Variants in LRMDA observed in about 807,000 individuals in gnomAD.
The protein encoded by LRMDA is leucine rich melanocyte differentiation associated.
Under a neutral mutation model 29.8 loss-of-function variants are expected in LRMDA, and 18 were observed. That is an observed-to-expected ratio of 0.60 (90% confidence interval 0.42 to 0.90). The LOEUF (loss-of-function observed/expected upper bound fraction) is 0.90, where lower values mean the gene tolerates loss of function less well. LRMDA is among the 40% of genes least tolerant of loss of function. The pLI, the probability that LRMDA is intolerant of heterozygous loss-of-function variation, is 0.00. For missense variants in LRMDA, 273 were observed against 273.9 expected, an observed-to-expected ratio of 1.00 and a Z score of 0.02; for synonymous variants, 125 against 109.4, an observed-to-expected ratio of 1.14 and a Z score of -0.89.
chr10:76,334,320 C>T (rs962717233), intron 6 of LRMDA, among the ~76,000 whole-genome samples: 11 of 152,196 alleles, frequency 7.2e-5, no homozygotes, highest in Admixed American at 2.0e-4. Flanking sequence ...GAAAACTTTA[C>T]CCCTGCCCCA....
chr10:75,620,145 G>A (rs1293603410), intron 2 of LRMDA, among the ~76,000 whole-genome samples: 2 of 152,158 alleles, frequency 1.3e-5, no homozygotes. Context: ...AGGACAGTTG[G>A]AACATTCACA....
At chr10:75,522,616 G>T (rs552339023) in intron 2 of LRMDA, among the ~76,000 whole-genome samples, 1 of 152,212 alleles carries the variant, frequency 6.6e-6, no homozygotes. Context: ...TCACCCATCC[G>T]TGAGTGGTAG....
intron 2 of LRMDA, among the ~76,000 whole-genome samples, chr10:75,645,818 C>T (rs1278301286): frequency 6.6e-6 from 1 of 152,144 alleles, no homozygotes; most frequent in Admixed American, 6.5e-5. Flanking sequence ...CTCCACTTGC[C>T]TTTCTTGCCA....
Position 75,690,047 on chromosome 10 carries a change from C to T in LRMDA, c.131+251553C>T, listed in dbSNP as rs570447837. Among the ~76,000 whole-genome samples the T allele has an allele frequency of 4.6e-5, 7 of 152,232 alleles. 1 individual carries two copies. The South Asian group carries it at 6.2e-4, about 14-fold the overall frequency. On this transcript the variant is annotated intron_variant, in intron 2 of 6. Coordinates refer to ENST00000611255, the MANE Select transcript of LRMDA (RefSeq NM_001305581.2). ...ATTTACATAACTGGATCAGTGGTGT[C>T]CTGTCACAAAACAATACTTAATATT...
At chr10:76,112,418 C>A (rs1849595571) in intron 5 of LRMDA, among the ~76,000 whole-genome samples, 1 of 152,232 alleles carries the variant, frequency 6.6e-6, no homozygotes, top group African/African-American at 2.4e-5. Flanking sequence ...CCCTCGTCAC[C>A]CTTCACTCAG....
intron 2 of LRMDA, among the ~76,000 whole-genome samples, chr10:75,619,871 C>T (rs949248609): frequency 1.3e-5 from 2 of 152,302 alleles, no homozygotes; most frequent in Admixed American, 1.3e-4. Context: ...GTCTTAGTGT[C>T]CTCATCTGTA....
chr10:76,398,084 C>G (rs572569395), intron 6 of LRMDA, among the ~76,000 whole-genome samples: 1 of 152,152 alleles, frequency 6.6e-6, no homozygotes, highest in African/African-American at 2.4e-5. Flanking sequence ...GTGCCAGAAC[C>G]GAGCAGGTCT....
intron 2 of LRMDA, among the ~76,000 whole-genome samples, chr10:75,540,189 A>G (rs1839999745): frequency 6.6e-6 from 1 of 152,192 alleles, no homozygotes; most frequent in African/African-American, 2.4e-5. Context: ...TAGAGATGTC[A>G]GGGAGGGCTG....
intron 6 of LRMDA, among the ~76,000 whole-genome samples, chr10:76,494,166 C>CT (rs1417206268): frequency 6.6e-6 from 1 of 151,824 alleles, no homozygotes; most frequent in African/African-American, 2.4e-5. Context: ...TGTTATTGCA[C>CT]TTGTTTCTGT....
intron 2 of LRMDA, among the ~76,000 whole-genome samples, chr10:75,447,199 T>TAA (rs1041553642): frequency 6.6e-6 from 1 of 151,682 alleles, no homozygotes; most frequent in Admixed American, 6.6e-5. Context: ...AGCAATGCAG[T>TAA]AAAAAAAAAT....
At chr10:75,750,462 C>T (rs1044084264) in intron 2 of LRMDA, among the ~76,000 whole-genome samples, 3 of 145,422 alleles carry the variant, frequency 2.1e-5, no homozygotes, top group African/African-American at 7.8e-5. Context: ...GGCAGAGGCG[C>T]TCCTCACATC....
chr10:75,689,775 A>G (rs1369773791), intron 2 of LRMDA, among the ~76,000 whole-genome samples: 2 of 152,210 alleles, frequency 1.3e-5, no homozygotes, highest in South Asian at 2.1e-4. Context: ...TTTCCAGTCT[A>G]TCATTTTCAT....
At chr10:75,877,430 T>G (rs1845216629) in intron 2 of LRMDA, among the ~76,000 whole-genome samples, 1 of 152,222 alleles carries the variant, frequency 6.6e-6, no homozygotes. Context: ...ACCCTTTTAG[T>G]TAAGGCTCTG....
intron 2 of LRMDA, chr10:75,642,462 A>G (rs966910465): frequency 6.6e-6 from 1 of 152,196 alleles, no homozygotes; most frequent in South Asian, 2.1e-4. Context: ...TTGGGAACAA[A>G]TCATCGGGCC....
intron 5 of LRMDA, among the ~76,000 whole-genome samples, chr10:76,273,324 G>T (rs1840090643): frequency 6.6e-6 from 1 of 151,832 alleles, no homozygotes; most frequent in South Asian, 2.1e-4. Context: ...AAATATTTAG[G>T]GTATTTACAC....
At chr10:76,176,961 A>C (rs986927261) in intron 5 of LRMDA, among the ~76,000 whole-genome samples, 1 of 152,182 alleles carries the variant, frequency 6.6e-6, no homozygotes, top group African/African-American at 2.4e-5. Context: ...GACCTCCAAA[A>C]GTCTAGTTTA....
Position 75,761,570 on chromosome 10 carries a change from G to C in LRMDA, c.132-274438G>C, listed in dbSNP as rs192200242. Among the ~76,000 whole-genome samples the C allele has an allele frequency of 5.3e-5, 8 of 152,308 alleles. No homozygotes were observed. In the East Asian group the frequency reaches 1.5e-3, roughly 29 times the overall value. On this transcript the variant is annotated intron_variant, in intron 2 of 6. Coordinates refer to ENST00000611255, the MANE Select transcript of LRMDA (RefSeq NM_001305581.2). ...GGACTTACTGTTTAATGGATACAGA[G>C]TTTCTGTTTGGGATGATGAAAAAGT...
chr10:76,086,091 T>G (rs1361526217), intron 5 of LRMDA, among the ~76,000 whole-genome samples: 1 of 152,240 alleles, frequency 6.6e-6, no homozygotes, highest in Non-Finnish European at 1.5e-5. Flanking sequence ...TGGGGACCAG[T>G]GAACACATAT....
At chr10:75,793,557 A>G (rs180834149) in intron 2 of LRMDA, among the ~76,000 whole-genome samples, 6 of 152,334 alleles carry the variant, frequency 3.9e-5, no homozygotes, top group African/African-American at 7.2e-5. Context: ...AGGCACATGT[A>G]TAAACAAATG....
Sources: gnomAD v4.1 joint callset for allele counts (sites outside exome capture counted in the v4.1 genomes callset) on GRCh38, gnomAD v4.1.1 for gene constraint, MANE v1.5 for transcripts, NCBI Gene and HGNC (gene_info 2026-07-23, HGNC 2026-07-21) for gene names.